The following SLC39A10 variants were observed in gnomAD, a reference collection of about 807,000 sequenced individuals.
SLC39A10 encodes the protein solute carrier family 39 member 10, also known as zinc transporter ZIP10.
In SLC39A10, 13 loss-of-function variants were observed where a neutral mutation model predicts 65.1. The observed-to-expected ratio is 0.20, with a 90% confidence interval of 0.13 to 0.32. SLC39A10 has a LOEUF of 0.32. Among genes scored for constraint, SLC39A10 ranks in the 10% least tolerant of loss-of-function variants. SLC39A10 has a pLI of 1.00. For synonymous variants in SLC39A10, 321 were observed against 342.2 expected, an observed-to-expected ratio of 0.94 and a Z score of 0.68; for missense variants, 831 against 1,018.4, an observed-to-expected ratio of 0.82 and a Z score of 2.50.
At position 195,737,548 on chromosome 2, in the gene SLC39A10, T is replaced by TTTTG. The variant is rs1692695341; in HGVS notation, c.*2511_*2514dup. On this transcript the variant is annotated 3_prime_UTR_variant, in exon 10 of 10. Transcript: ENST00000359634. ...TCTTGCTAAAATATCTAAACTTTTG[T>TTTTG]TTTGTTTTAACTGAATCATTTTTTA... The TTTTG allele has an allele frequency of 1.2e-5, 2 of 172,330 alleles. No homozygotes were observed. The highest frequency in any genetic ancestry group is 1.1e-4 in the Admixed American group (2 of 17,714). 10.7% of individuals were successfully genotyped at this position (172,330 alleles called of 1,614,324 possible).
intron 2 of SLC39A10, among the ~76,000 whole-genome samples, chr2:195,639,943 G>T (rs1486002299): frequency 6.6e-6 from 1 of 151,996 alleles, no homozygotes; most frequent in African/African-American, 2.4e-5. Context: ...CTCTGCCATT[G>T]TTAATTAATT....
At chr2:195,734,261 C>T (rs1692516205) in intron 9 of SLC39A10, among the ~76,000 whole-genome samples, 1 of 151,570 alleles carries the variant, frequency 6.6e-6, no homozygotes, top group South Asian at 2.1e-4. Flanking sequence ...ACCTTTGCCT[C>T]CCAGGTTCAA....
At chr2:195,732,730 C>T (rs951120757) in intron 9 of SLC39A10, among the ~76,000 whole-genome samples, 12 of 152,096 alleles carry the variant, frequency 7.9e-5, no homozygotes, top group Non-Finnish European at 1.6e-4. Flanking sequence ...GTTTGAAGGG[C>T]CAGATAGTAG....
At chr2:195,686,550 A>G (rs1295342933) in intron 3 of SLC39A10, among the ~76,000 whole-genome samples, 1 of 152,146 alleles carries the variant, frequency 6.6e-6, no homozygotes, top group East Asian at 1.9e-4. Context: ...CTCCGTCTCA[A>G]AACAAAACAA....
intron 3 of SLC39A10, among the ~76,000 whole-genome samples, chr2:195,695,447 C>T (rs1192441081): frequency 6.6e-6 from 1 of 152,186 alleles, no homozygotes; most frequent in Non-Finnish European, 1.5e-5. Context: ...GTGGGTCTCA[C>T]TCCCACCATT....
At chr2:195,697,390 T>A (rs1220890385) in intron 3 of SLC39A10, among the ~76,000 whole-genome samples, 2 of 152,160 alleles carry the variant, frequency 1.3e-5, no homozygotes, top group African/African-American at 4.8e-5. Context: ...TTATTTGTCT[T>A]CTTTAATTTC....
At chr2:195,726,303 C>A (rs1161778960) in intron 8 of SLC39A10, among the ~76,000 whole-genome samples, 1 of 152,074 alleles carries the variant, frequency 6.6e-6, no homozygotes, top group African/African-American at 2.4e-5. Flanking sequence ...ATTTTGTAAT[C>A]TAAAAGACAC....
intron 2 of SLC39A10, among the ~76,000 whole-genome samples, chr2:195,621,264 TTATG>T (rs1205680548): frequency 3.9e-5 from 6 of 152,196 alleles, no homozygotes; most frequent in Admixed American, 1.3e-4. Flanking sequence ...TTTAGGTTGT[TTATG>T]TAGTACATAT....
intron 2 of SLC39A10, among the ~76,000 whole-genome samples, chr2:195,641,509 G>A (rs1279051312): frequency 2.0e-5 from 3 of 152,106 alleles, no homozygotes; most frequent in Admixed American, 1.3e-4. Flanking sequence ...TACTTAAAAT[G>A]TTAGCATGTA....
Position 195,706,739 on chromosome 2 carries a change from C to CT in SLC39A10, c.1341dup (p.Val448CysfsTer21). 6.3e-7 allele frequency: 1 copy of CT among 1,599,794 alleles called. No homozygotes were observed. The highest frequency in any genetic ancestry group is 8.5e-7 in the Non-Finnish European group (1 of 1,173,880). ...CTTCTTACATTCCTTGTTGCATTAG[C>CT]TGTAGGAACAATGAGTGGAGACGCC... On this transcript the variant is annotated frameshift_variant, in exon 4 of 10. Transcript: ENST00000359634. LOFTEE classifies it high-confidence loss of function.
In SLC39A10 at chr2:195,683,770, T is replaced by C. The variant is rs1690422990; in HGVS notation, c.1080T>C (p.Phe360=). The stretch of plus-strand genomic sequence containing the variant: ...ACTCTCCCATCTCAACTGATTTATT[T>C]ACATACCTTTGCCCTGCATTGTTAT... The part of the protein sequence containing the change: ...GANSPISTDL[F]TYLCPALLYQ... Residue 360 remains phenylalanine (F), a synonymous_variant, in exon 3 of 10, where the codon TTT becomes TTC. Coordinates refer to ENST00000359634, the MANE Select transcript of SLC39A10 (RefSeq NM_020342.3). The C allele has an allele frequency of 4.3e-6, 7 of 1,613,478 alleles. No individual in the cohort carries two copies. The East Asian group carries it at 1.6e-4, about 36-fold the overall frequency.
At chr2:195,631,814 T>C (rs1021558806) in intron 2 of SLC39A10, among the ~76,000 whole-genome samples, 4 of 152,228 alleles carry the variant, frequency 2.6e-5, no homozygotes, top group Non-Finnish European at 5.9e-5. Context: ...CTGCTTCATC[T>C]TACCATGACT....
intron 1 of SLC39A10, among the ~76,000 whole-genome samples, chr2:195,671,435 C>T (rs890306221): frequency 3.3e-5 from 5 of 152,154 alleles, no homozygotes; most frequent in Admixed American, 1.3e-4. Context: ...TTGACAGCAC[C>T]TAGCAGAACT....
At chr2:195,683,637 T>A in intron 2 of SLC39A10, 62 bp from the exon 3 acceptor site, 2 of 1,275,548 alleles carry the variant, frequency 1.6e-6, no homozygotes, top group Non-Finnish European at 2.2e-6. Context: ...CAGTAATTTA[T>A]TTTTTTGCAT....
intron 2 of SLC39A10, among the ~76,000 whole-genome samples, chr2:195,651,578 G>A (rs1275659540): frequency 6.6e-6 from 1 of 152,014 alleles, no homozygotes; most frequent in African/African-American, 2.4e-5. Flanking sequence ...AGGATCAAGC[G>A]ATTCTCCTGC....
chr2:195,636,877 A>C (rs935289927), intron 2 of SLC39A10, among the ~76,000 whole-genome samples: 2 of 152,152 alleles, frequency 1.3e-5, no homozygotes, highest in African/African-American at 4.8e-5. Context: ...CTCCATAAAA[A>C]ATTAAAAAAA....
intron 2 of SLC39A10, among the ~76,000 whole-genome samples, chr2:195,630,836 A>G (rs1412229703): frequency 6.6e-6 from 1 of 152,218 alleles, no homozygotes; most frequent in East Asian, 1.9e-4. Flanking sequence ...AAAAAATTCA[A>G]TCTCTAATTA....
rs902313935 is a variant in SLC39A10, at chr2:195,642,872, A to C, written c.-12+36639A>C. ...TGTGTGTATGGAAGGTTAGAGAACA[A>C]AAGCCCTTGAAGCAGCTAGGAAATG... is the stretch of plus-strand genomic sequence containing the variant. On this transcript the variant is annotated intron_variant, in intron 2 of 2. Transcript: ENST00000458054. 2.0e-5 allele frequency among the ~76,000 whole-genome samples: 3 copies of C among 152,220 alleles called. No homozygotes were observed. In the East Asian group the frequency reaches 5.8e-4, roughly 29 times the overall value.
intron 5 of SLC39A10, among the ~76,000 whole-genome samples, chr2:195,709,628 A>G (rs1396829031): frequency 6.6e-6 from 1 of 151,562 alleles, no homozygotes; most frequent in Non-Finnish European, 1.5e-5. Flanking sequence ...CTCTCACCTT[A>G]GTCTCTCAAA....
Sources: gnomAD v4.1 joint callset for allele counts (sites outside exome capture counted in the v4.1 genomes callset) on GRCh38, gnomAD v4.1.1 for gene constraint, MANE v1.5 for transcripts, NCBI Gene and HGNC (gene_info 2026-07-23, HGNC 2026-07-21) for gene names.